CALN1: variants seen among roughly 807,000 people sequenced by gnomAD.
CALN1 encodes the protein calneuron 1.
In CALN1, 17 loss-of-function variants were observed where a neutral mutation model predicts 30.6. The observed-to-expected ratio is 0.56, with a 90% CI of 0.38 to 0.83. The LOEUF (loss-of-function observed/expected upper bound fraction) is 0.83. Among genes scored for constraint, CALN1 ranks in the 40% least tolerant of loss-of-function variants. The probability of loss-of-function intolerance (pLI) is 0.00; values close to 1 mark genes in which losing one functional copy is unlikely to be tolerated. For missense variants in CALN1, 291 were observed against 354.9 expected (o/e 0.82, Z 1.45); for synonymous variants, 156 against 131.4 (o/e 1.19, Z -1.28).
intron 2 of CALN1, among the ~76,000 whole-genome samples, chr7:72,368,243 G>A (rs1803997826): frequency 6.7e-6 from 1 of 150,304 alleles, no homozygotes; most frequent in African/African-American, 2.5e-5. Flanking sequence ...TATCTAGGAT[G>A]CTAGTAATGT....
the CALN1 span, among the ~76,000 whole-genome samples, chr7:72,504,156 A>G: frequency 6.6e-6 from 1 of 152,218 alleles, no homozygotes; most frequent in African/African-American, 2.4e-5. Flanking sequence ...ATCCCACCGC[A>G]TAAAGGTTAA....
chr7:72,228,073 T>C (rs910533908), intron 3 of CALN1, among the ~76,000 whole-genome samples: 4 of 152,034 alleles, frequency 2.6e-5, no homozygotes, highest in Non-Finnish European at 5.9e-5. Flanking sequence ...AACCAAGTGC[T>C]GCTGTCTGTG....
chr7:71,951,893 T>C (rs956927906), intron 5 of CALN1, among the ~76,000 whole-genome samples: 2 of 152,072 alleles, frequency 1.3e-5, no homozygotes, highest in African/African-American at 2.4e-5. Flanking sequence ...TTCTGATGTC[T>C]TGCACTTTTT....
At chr7:72,443,825 A>T (rs2129564506) in intron 1 of CALN1, among the ~76,000 whole-genome samples, 1 of 151,290 alleles carries the variant, frequency 6.6e-6, no homozygotes, top group East Asian at 2.0e-4. Context: ...CACTTTTATG[A>T]TGATGATTAT....
At chr7:72,204,435 G>A (rs1432772056) in intron 3 of CALN1, among the ~76,000 whole-genome samples, 2 of 151,822 alleles carry the variant, frequency 1.3e-5, no homozygotes, top group African/African-American at 4.8e-5. Context: ...TTGCATTCCA[G>A]TCCATGAATA....
intron 3 of CALN1, among the ~76,000 whole-genome samples, chr7:72,186,577 C>T (rs1354058585): frequency 6.6e-6 from 1 of 152,114 alleles, no homozygotes; most frequent in Non-Finnish European, 1.5e-5. Context: ...CTCCTTCCTC[C>T]TTCCCCACTC....
intron 5 of CALN1, among the ~76,000 whole-genome samples, chr7:71,912,212 G>C (rs1026552338): frequency 1.3e-5 from 2 of 152,030 alleles, no homozygotes; most frequent in South Asian, 4.2e-4. Flanking sequence ...AGGTCCAGCT[G>C]CCTAGTGATT....
rs148051224 is a variant in CALN1, at chr7:71,887,710, T to C, written c.502-77218A>G. Among the ~76,000 whole-genome samples the C allele has an allele frequency of 5.3e-5, 8 of 152,086 alleles. No individual in the cohort carries two copies. The East Asian group carries it at 7.7e-4, about 15-fold the overall frequency. ...AAGCAAGAGGTCATCAAGGTGTGAA[T>C]TGAGGCAGCCACAGTGCAGGAGAGA... is the stretch of plus-strand genomic sequence containing the variant. On this transcript the variant is annotated intron_variant, in intron 5 of 6. Coordinates refer to ENST00000395275, the MANE Select transcript of CALN1 (RefSeq NM_031468.4).
chr7:72,336,488 A>G (rs1005740268), intron 2 of CALN1, among the ~76,000 whole-genome samples: 13 of 151,640 alleles, frequency 8.6e-5, no homozygotes, highest in Non-Finnish European at 5.9e-5. Context: ...CACGGAAGGC[A>G]AGGTGGCCGG....
chr7:72,446,866 T>C (rs1808543236), intron 1 of CALN1, among the ~76,000 whole-genome samples: 2 of 152,004 alleles, frequency 1.3e-5, no homozygotes, highest in South Asian at 4.2e-4. Context: ...CTCCCCTTCC[T>C]CGGAAACCCA....
intron 5 of CALN1, among the ~76,000 whole-genome samples, chr7:71,850,819 A>G (rs1790594884): frequency 6.6e-6 from 1 of 152,228 alleles, no homozygotes; most frequent in South Asian, 2.1e-4. Context: ...TTTGTTTACT[A>G]CTATCCCTAG....
intron 4 of CALN1, among the ~76,000 whole-genome samples, chr7:72,045,178 G>A (rs377369977): frequency 2.6e-5 from 4 of 152,154 alleles, no homozygotes; most frequent in Non-Finnish European, 5.9e-5. Flanking sequence ...GAAGCGGATG[G>A]AGAAATAAAG....
At chr7:71,863,823 C>T (rs886353598) in intron 5 of CALN1, among the ~76,000 whole-genome samples, 42 of 152,134 alleles carry the variant, frequency 2.8e-4, no homozygotes, top group African/African-American at 9.9e-4. Flanking sequence ...ACATTCCATC[C>T]TGACTGATGA....
chr7:72,258,899 A>T (rs886864436), intron 3 of CALN1, among the ~76,000 whole-genome samples: 16 of 121,828 alleles, frequency 1.3e-4, no homozygotes, highest in Non-Finnish European at 2.9e-4. Flanking sequence ...CTAAAAAGTA[A>T]AAAAAAAAAA....
At chr7:72,205,682 G>C (rs1017615367) in intron 3 of CALN1, among the ~76,000 whole-genome samples, 2 of 147,902 alleles carry the variant, frequency 1.4e-5, no homozygotes, top group South Asian at 4.3e-4. Context: ...TTTAAGTTTT[G>C]TAACATCAAA....
the CALN1 span, among the ~76,000 whole-genome samples, chr7:72,485,895 A>C: frequency 4.6e-5 from 7 of 152,268 alleles, no homozygotes; most frequent in Admixed American, 3.3e-4. Flanking sequence ...GTTAACTGTT[A>C]CTGGACTAAA....
upstream of CALN1, among the ~76,000 whole-genome samples, chr7:72,416,493 C>T (rs963040778): frequency 6.6e-6 from 1 of 152,106 alleles, no homozygotes; most frequent in African/African-American, 2.4e-5. Context: ...CAGCGCTTTG[C>T]GAGGCTGAGA....
chr7:72,328,450 C>T (rs763242776), intron 2 of CALN1, among the ~76,000 whole-genome samples: 15 of 152,186 alleles, frequency 9.9e-5, no homozygotes, highest in Non-Finnish European at 1.9e-4. Flanking sequence ...GATTGTGAGG[C>T]CTCCCAGGCA....
chr7:72,224,814 C>A (rs1425476863), intron 3 of CALN1, among the ~76,000 whole-genome samples: 1 of 151,908 alleles, frequency 6.6e-6, no homozygotes, highest in Non-Finnish European at 1.5e-5. Flanking sequence ...TAAGGCCGGG[C>A]ACGGTGGCTC....
Sources: gnomAD v4.1 joint callset for allele counts (sites outside exome capture counted in the v4.1 genomes callset) on GRCh38, gnomAD v4.1.1 for gene constraint, MANE v1.5 for transcripts, NCBI Gene and HGNC (gene_info 2026-07-23, HGNC 2026-07-21) for gene names.